Variants in PTPRR observed in about 807,000 individuals in gnomAD.
PTPRR encodes protein tyrosine phosphatase receptor type R, also known as receptor-type tyrosine-protein phosphatase R.
PTPRR carries 38 observed loss-of-function variants against 77.2 expected under a neutral mutation model. That is an observed-to-expected ratio of 0.49 (90% CI 0.38 to 0.65). PTPRR has a LOEUF of 0.65. PTPRR is among the 30% of genes least tolerant of loss of function. The pLI, the probability that PTPRR is intolerant of heterozygous loss-of-function variation, is 0.00. For missense variants in PTPRR, 744 were observed against 799.2 expected, an observed-to-expected ratio of 0.93 and a Z score of 0.83; for synonymous variants, 299 against 283.1, an observed-to-expected ratio of 1.06 and a Z score of -0.57.
intron 2 of PTPRR, among the ~76,000 whole-genome samples, chr12:70,858,037 C>T (rs912680331): frequency 6.6e-6 from 1 of 152,038 alleles, no homozygotes; most frequent in African/African-American, 2.4e-5. Flanking sequence ...TCTCTCTGCA[C>T]CACTCTAGCC....
chr12:70,810,395 C>A (rs540196782), intron 2 of PTPRR, among the ~76,000 whole-genome samples: 1 of 152,108 alleles, frequency 6.6e-6, no homozygotes, highest in Non-Finnish European at 1.5e-5. Context: ...TCTTTAAGAA[C>A]GTAGACATAA....
At chr12:70,669,084 TGG>T (rs1887115752) in intron 10 of PTPRR, among the ~76,000 whole-genome samples, 1 of 152,232 alleles carries the variant, frequency 6.6e-6, no homozygotes, top group African/African-American at 2.4e-5. Flanking sequence ...ATTAATGACA[TGG>T]AGAATACTCA....
intron 2 of PTPRR, among the ~76,000 whole-genome samples, chr12:70,820,699 G>T (rs950176638): frequency 6.6e-6 from 1 of 152,190 alleles, no homozygotes; most frequent in Non-Finnish European, 1.5e-5. Flanking sequence ...GTTTCAGCAA[G>T]AATCCTGTTA....
intron 10 of PTPRR, among the ~76,000 whole-genome samples, chr12:70,665,688 T>C (rs1886966486): frequency 6.6e-6 from 1 of 151,958 alleles, no homozygotes; most frequent in African/African-American, 2.4e-5. Flanking sequence ...GGCCGCCAGC[T>C]CATATTTTTG....
At chr12:70,808,778 C>G (rs953957434) in intron 2 of PTPRR, among the ~76,000 whole-genome samples, 1 of 152,280 alleles carries the variant, frequency 6.6e-6, no homozygotes, top group South Asian at 2.1e-4. Context: ...CTTCCTCAGA[C>G]ATGCCGTGCC....
chr12:70,847,548 G>T (rs1892506120), intron 2 of PTPRR, among the ~76,000 whole-genome samples: 1 of 152,190 alleles, frequency 6.6e-6, no homozygotes, highest in South Asian at 2.1e-4. Flanking sequence ...AATTTGCTTG[G>T]TGAGGTTAAA....
intron 2 of PTPRR, among the ~76,000 whole-genome samples, chr12:70,779,990 A>T (rs1891168884): frequency 6.6e-6 from 1 of 151,588 alleles, no homozygotes. Context: ...CAACTTTTTG[A>T]AACTCACTTT....
At chr12:70,678,662 A>C (rs1008131866) in intron 10 of PTPRR, among the ~76,000 whole-genome samples, 1 of 151,034 alleles carries the variant, frequency 6.6e-6, no homozygotes, top group Non-Finnish European at 1.5e-5. Context: ...TTTTGGGTTT[A>C]ATTTGTTCTT....
In PTPRR at chr12:70,658,883, G is replaced by GTTTTTTTTTTTTTT. The variant is rs746595856; in HGVS notation, c.1766+2043_1766+2056dup. ...TTCAACGTTAGGGACTTTTGCTCTA[G>GTTTTTTTTTTTTTT]TTTTTTTTTTTTTTTTTTTTTTTTT... is the stretch of plus-strand genomic sequence containing the variant. On this transcript the variant is annotated intron_variant, in intron 12 of 13. Transcript: ENST00000283228. 1.4e-3 allele frequency among the ~76,000 whole-genome samples: 50 copies of GTTTTTTTTTTTTTT among 36,934 alleles called. 8 individuals are homozygous for GTTTTTTTTTTTTTT. Among genetic ancestry groups the GTTTTTTTTTTTTTT allele is most frequent in the Non-Finnish European group, 1.7e-3 (35 of 20,632 alleles). The allele number at this position is 36,934 out of a possible 152,430, so 24.2% of individuals were successfully genotyped here.
At chr12:70,765,398 T>A (rs1565687927) in intron 2 of PTPRR, among the ~76,000 whole-genome samples, 1 of 152,196 alleles carries the variant, frequency 6.6e-6, no homozygotes, top group Non-Finnish European at 1.5e-5. Flanking sequence ...CCATGGAGTC[T>A]TGCTGATTGC....
In PTPRR at chr12:70,824,123, G is replaced by C. The variant is rs532273933; in HGVS notation, c.358-59345C>G. On this transcript the variant is annotated intron_variant, in intron 2 of 13. Coordinates refer to ENST00000283228, the MANE Select transcript of PTPRR (RefSeq NM_002849.4). Reference sequence around the variant, plus strand: ...ACAGACTTATTGGGAAACCGCCCCAGGTTAGGCGCTCTTCTTCTGTGTCCT... The same window carrying C: ...ACAGACTTATTGGGAAACCGCCCCACGTTAGGCGCTCTTCTTCTGTGTCCT... Among the ~76,000 whole-genome samples the C allele has an allele frequency of 5.0e-4, 76 of 152,298 alleles. 2 individuals carry two copies. The South Asian group carries it at 0.015, about 30-fold the overall frequency.
intron 2 of PTPRR, among the ~76,000 whole-genome samples, chr12:70,786,902 A>T (rs1891333788): frequency 6.6e-6 from 1 of 152,206 alleles, no homozygotes; most frequent in South Asian, 2.1e-4. Context: ...GGGAATTAAT[A>T]ATTTTCTGCA....
intron 2 of PTPRR, among the ~76,000 whole-genome samples, chr12:70,818,305 CTCTA>C (rs1430269656): frequency 6.6e-6 from 1 of 151,310 alleles, no homozygotes; most frequent in Non-Finnish European, 1.5e-5. Context: ...GTGCCTCTCT[CTCTA>C]TCTATCATCT....
At chr12:70,682,524 C>A (rs1225704202) in intron 10 of PTPRR, among the ~76,000 whole-genome samples, 3 of 151,662 alleles carry the variant, frequency 2.0e-5, no homozygotes, top group East Asian at 3.9e-4. Context: ...ACTGGGATTT[C>A]CTTTACTTTT....
intron 2 of PTPRR, among the ~76,000 whole-genome samples, chr12:70,823,032 G>T (rs1362928770): frequency 6.8e-5 from 10 of 146,874 alleles, no homozygotes; most frequent in African/African-American, 2.3e-4. Context: ...CTTAAGTTTT[G>T]CTTTCTTTGC....
intron 10 of PTPRR, among the ~76,000 whole-genome samples, chr12:70,665,264 T>C (rs566711681): frequency 2.1e-4 from 32 of 151,784 alleles, no homozygotes; most frequent in African/African-American, 7.5e-4. Context: ...GCAAACAAGT[T>C]ATTATCAAAC....
rs78245473 is a variant in PTPRR, at chr12:70,771,568, A to G, written c.358-6790T>C. Among the ~76,000 whole-genome samples, 536 of 152,302 alleles carry G rather than the reference A, an allele frequency of 3.5e-3. 5 individuals carry two copies. Among genetic ancestry groups the G allele is most frequent in the African/African-American group, 0.012 (514 of 41,568 alleles). ...AAATAAAAGTTGATTTTTTAAAAAG[A>G]TGGTATATTATATAATAAAGCAATT... is the stretch of plus-strand genomic sequence containing the variant. On this transcript the variant is annotated intron_variant, in intron 2 of 13. Transcript: ENST00000283228.
chr12:70,719,160 T>A (rs1455055721), intron 6 of PTPRR, among the ~76,000 whole-genome samples: 1 of 152,152 alleles, frequency 6.6e-6, no homozygotes, highest in African/African-American at 2.4e-5. Context: ...ACTCTCGGGC[T>A]AAGCTTTAAG....
At chr12:70,873,245 A>C (rs1443567024) in intron 2 of PTPRR, among the ~76,000 whole-genome samples, 1 of 152,154 alleles carries the variant, frequency 6.6e-6, no homozygotes. Flanking sequence ...CAAAATGATC[A>C]GGCTGCCAGC....
Sources: gnomAD v4.1 joint callset for allele counts (sites outside exome capture counted in the v4.1 genomes callset) on GRCh38, gnomAD v4.1.1 for gene constraint, MANE v1.5 for transcripts, NCBI Gene and HGNC (gene_info 2026-07-23, HGNC 2026-07-21) for gene names.